The following PPP4R3C variants were observed in gnomAD, a reference collection of about 807,000 sequenced individuals.
PPP4R3C encodes protein PPP4R3C.
For synonymous variants in PPP4R3C, 150 were observed against 86.5 expected (o/e 1.73, Z -4.07); for missense variants, 372 against 237.3 (o/e 1.57, Z -3.73).
chrX:27,461,307 G>T lies in PPP4R3C; in HGVS notation c.1990C>A (p.Leu664Met). 1 of 514,842 alleles carries T rather than the reference G, an allele frequency of 1.9e-6. No homozygotes were observed. Among genetic ancestry groups the T allele is most frequent in the Non-Finnish European group, 3.5e-6 (1 of 286,900 alleles). 42.4% of individuals were successfully genotyped at this position (514,842 alleles called of 1,213,427 possible). ...SQIQKNLHSV[L>M]QNIVVFRGTI... ...CCTCTGAAAACTACTATATTTTGCA[G>T]TACAGAATGTAAATTCTTTTGTATT... Residue 664 changes from leucine (L) to methionine (M), a missense_variant, in exon 1 of 1, where the codon CTG becomes ATG. Leu to Met is a conservative substitution (Grantham distance 15, BLOSUM62 2). Transcript: ENST00000412172.
In PPP4R3C at chrX:27,462,885, G is replaced by C. The variant is rs760086882; in HGVS notation, c.412C>G (p.Leu138Val). 4.7e-4 allele frequency: 242 copies of C among 513,515 alleles called. No homozygotes were observed. Among genetic ancestry groups the C allele is most frequent in the Non-Finnish European group, 7.9e-4 (226 of 286,804 alleles). The allele number at this position is 513,515 out of a possible 1,213,427, so 42.3% of individuals were successfully genotyped here. A position where few individuals can be genotyped will look rare whatever the true frequency, so the allele number is the denominator to read the frequency against. ...TCAGCAATTTGATCAAGTGTATTGAGTTCACAGTCAGGCAGCACAACCATA... is the reference window on the plus strand; with the variant it reads ...TCAGCAATTTGATCAAGTGTATTGACTTCACAGTCAGGCAGCACAACCATA... ...SNMVVLPDCE[L>V]NTLDQIADIV... Residue 138 changes from leucine (L) to valine (V), a missense_variant, in exon 1 of 1, where the codon CTC (leucine) becomes GTC (valine). Coordinates refer to ENST00000412172, the MANE Select transcript of PPP4R3C (RefSeq NM_207319.4).
At position 27,462,314 on chromosome X, in the gene PPP4R3C, T is replaced by C. The variant is rs1451740460; in HGVS notation, c.983A>G (p.Asp328Gly). Residue 328 changes from aspartate to glycine, a missense_variant, in exon 1 of 1, where the codon GAT becomes GGT. By Grantham distance (94) the Asp-to-Gly change is moderately conservative. Transcript: ENST00000412172. The stretch of plus-strand genomic sequence containing the variant: ...AAAAAATAGCAATTCACACCGTCTA[T>C]CATCATGTGTAGTCTCATCCTTTAA... ...AQLKDETTHDDRRCELLFFFK... is the reference protein window; with the variant it reads ...AQLKDETTHDGRRCELLFFFK... The C allele has an allele frequency of 7.8e-6, 4 of 513,720 alleles. No individual in the cohort carries two copies. The African/African-American group carries it at 9.2e-5, about 12-fold the overall frequency. 42.3% of individuals were successfully genotyped at this position (513,720 alleles called of 1,213,427 possible). A position where few individuals can be genotyped will look rare whatever the true frequency, so the allele number is the denominator to read the frequency against.
In PPP4R3C at chrX:27,462,564, C is replaced by T. The variant is rs769142863; in HGVS notation, c.733G>A (p.Asp245Asn). The change falls in exon 1 of 1, where the codon GAT (aspartate) becomes AAT (asparagine). Residue 245 changes from aspartate (D) to asparagine (N), a missense_variant. Physicochemically the swap from Asp to Asn is conservative, Grantham distance 23 (BLOSUM62 1). Transcript: ENST00000412172. ...GGTATAACTTCCTTGAACTTCGCAT[C>T]GTTGGTCAAGAAGTCCCTATGCCTT... ...PKRHRDFLTN[D>N]AKFKEVIPIT... 4 of 556,601 alleles carry T rather than the reference C, an allele frequency of 7.2e-6. No individual in the cohort carries two copies. Among genetic ancestry groups the T allele is most frequent in the South Asian group, 2.3e-5 (1 of 44,031 alleles). 45.9% of individuals were successfully genotyped at this position (556,601 alleles called of 1,213,427 possible).
chrX:27,460,288 T>G lies in PPP4R3C; in HGVS notation c.*510A>C, dbSNP rs749794408. ...TTCCAATTACTTATAAGCTTAAATT[T>G]TGTTATATCTTTATAGAAATGTCTG... On this transcript the variant is annotated 3_prime_UTR_variant, in exon 1 of 1. Transcript: ENST00000412172. The G allele has an allele frequency of 1.8e-5, 2 of 112,756 alleles. No homozygotes were observed. Among genetic ancestry groups the G allele is most frequent in the East Asian group, 5.6e-4 (2 of 3,578 alleles). 9.3% of individuals were successfully genotyped at this position (112,756 alleles called of 1,213,427 possible).
In PPP4R3C at chrX:27,461,941, T is replaced by G. The variant is rs1922974304; in HGVS notation, c.1356A>C (p.Thr452=). The G allele has an allele frequency of 3.9e-6, 2 of 515,359 alleles. No individual in the cohort carries two copies. The highest frequency in any genetic ancestry group is 4.6e-5 in the African/African-American group (2 of 43,386). The allele number at this position is 515,359 out of a possible 1,213,427, so 42.5% of individuals were successfully genotyped here. A position where few individuals can be genotyped will look rare whatever the true frequency, so the allele number is the denominator to read the frequency against. Residue 452 remains threonine (T), a synonymous_variant, in exon 1 of 1, where the codon ACA becomes ACC. Transcript: ENST00000412172. ...HTLLDPRNML[T]TPEKSERSEF... ...CACTTCTTTCACTTTTCTCAGGTGT[T>G]GTCAGCATGTTGCGTGGATCAAGTA...
In PPP4R3C at chrX:27,460,619, GT is replaced by G; in HGVS notation, c.*178del. 1.9e-5 allele frequency: 6 copies of G among 310,311 alleles called. No individual in the cohort carries two copies. Among genetic ancestry groups the G allele is most frequent in the South Asian group, 2.5e-4 (2 of 8,103 alleles). The allele number at this position is 310,311 out of a possible 1,213,427, so 25.6% of individuals were successfully genotyped here. A position where few individuals can be genotyped will look rare whatever the true frequency, so the allele number is the denominator to read the frequency against. On this transcript the variant is annotated 3_prime_UTR_variant, in exon 1 of 1. Coordinates refer to ENST00000412172, the MANE Select transcript of PPP4R3C (RefSeq NM_207319.4). The stretch of plus-strand genomic sequence containing the variant: ...GTTTATCACCCAGGTTCTGGTTACT[GT>G]TTTTTTTTAAGATTATGAGAAATTT...
Position 27,462,551 on chromosome X carries a change from T to G in PPP4R3C, c.746A>C (p.Lys249Thr). 1.8e-6 allele frequency: 1 copy of G among 551,151 alleles called. No homozygotes were observed. Among genetic ancestry groups the G allele is most frequent in the African/African-American group, 2.2e-5 (1 of 45,257 alleles). 45.4% of individuals were successfully genotyped at this position (551,151 alleles called of 1,213,427 possible). A position where few individuals can be genotyped will look rare whatever the true frequency, so the allele number is the denominator to read the frequency against. Residue 249 changes from lysine (K) to threonine (T), a missense_variant, in exon 1 of 1, where the codon AAG becomes ACG. Physicochemically the swap from Lys to Thr is moderately conservative, Grantham distance 78. Coordinates refer to ENST00000412172, the MANE Select transcript of PPP4R3C (RefSeq NM_207319.4). ...RDFLTNDAKF[K>T]EVIPITNSEL... Reference sequence around the variant, plus strand: ...AGAGTTAGTTATTGGTATAACTTCCTTGAACTTCGCATCGTTGGTCAAGAA... The same window carrying G: ...AGAGTTAGTTATTGGTATAACTTCCGTGAACTTCGCATCGTTGGTCAAGAA...
chrX:27,461,513 C>T lies in PPP4R3C; in HGVS notation c.1784G>A (p.Arg595Gln), dbSNP rs1173327447. ...VVNALLDNGT[R>Q]YNMLNSAILE... is the part of the protein sequence containing the mutation. ...AATAGCTGAATTCAACATATTGTAC[C>T]GAGTTCCATTATCTAGAAGAGCATT... is the stretch of plus-strand genomic sequence containing the variant. Residue 595 changes from arginine (R) to glutamine (Q), a missense_variant, in exon 1 of 1, where the codon CGG (arginine) becomes CAG (glutamine). By Grantham distance (43) the Arg-to-Gln change is conservative (BLOSUM62 1). Transcript: ENST00000412172. 4 of 516,390 alleles carry T rather than the reference C, an allele frequency of 7.7e-6. No individual in the cohort carries two copies. The highest frequency in any genetic ancestry group is 5.0e-5 in the South Asian group (2 of 40,372). 42.6% of individuals were successfully genotyped at this position (516,390 alleles called of 1,213,427 possible). A position where few individuals can be genotyped will look rare whatever the true frequency, so the allele number is the denominator to read the frequency against.
Position 27,460,374 on chromosome X carries a change from A to G in PPP4R3C, c.*424T>C, listed in dbSNP as rs779144152. On this transcript the variant is annotated 3_prime_UTR_variant, in exon 1 of 1. Transcript: ENST00000412172. ...TCATATAAACATAAACTTTTGTGTT[A>G]AAAAGGTAACTGAAGGAAAGAATAC... 1 of 113,671 alleles carries G rather than the reference A, an allele frequency of 8.8e-6. No homozygotes were observed. The highest frequency in any genetic ancestry group is 3.7e-4 in the South Asian group (1 of 2,695). 9.4% of individuals were successfully genotyped at this position (113,671 alleles called of 1,213,427 possible). A position where few individuals can be genotyped will look rare whatever the true frequency, so the allele number is the denominator to read the frequency against.
rs188872892 is a variant in PPP4R3C at position 27,462,277 on chromosome X, T to G, written c.1020A>C (p.Leu340Phe). The change falls in exon 1 of 1, where the codon TTA becomes TTC. Residue 340 changes from leucine to phenylalanine, a missense_variant. Transcript: ENST00000412172. ...GCTGTAATGCCTGAGAAAATGAACA[T>G]AACTCCTTGAAAAAAAATAGCAATT... ...RCELLFFFKE[L>F]CSFSQALQPQ... 3.9e-6 allele frequency: 2 copies of G among 512,999 alleles called. No homozygotes were observed. Among genetic ancestry groups the G allele is most frequent in the African/African-American group, 2.3e-5 (1 of 43,285 alleles). 42.3% of individuals were successfully genotyped at this position (512,999 alleles called of 1,213,427 possible).
rs1209811288 is a variant in PPP4R3C at position 27,460,765 on chromosome X, T to G, written c.*33A>C. ...TTATGGACGTTTATAGAATTTTTGTTGAGCCACATTTTGAGGGTGCCCCAT... is the reference window on the plus strand; with the variant it reads ...TTATGGACGTTTATAGAATTTTTGTGGAGCCACATTTTGAGGGTGCCCCAT... On this transcript the variant is annotated 3_prime_UTR_variant, in exon 1 of 1. Coordinates refer to ENST00000412172, the MANE Select transcript of PPP4R3C (RefSeq NM_207319.4). 8.9e-6 allele frequency: 4 copies of G among 450,554 alleles called. No individual in the cohort carries two copies. The East Asian group carries it at 1.5e-4, about 17-fold the overall frequency. The allele number at this position is 450,554 out of a possible 1,213,427, so 37.1% of individuals were successfully genotyped here.
In PPP4R3C at chrX:27,461,225, T is replaced by C. The variant is rs1426749337; in HGVS notation, c.2072A>G (p.Glu691Gly). The C allele has an allele frequency of 1.9e-6, 1 of 513,207 alleles. No homozygotes were observed. The highest frequency in any genetic ancestry group is 3.6e-5 in the East Asian group (1 of 27,651). 42.3% of individuals were successfully genotyped at this position (513,207 alleles called of 1,213,427 possible). A position where few individuals can be genotyped will look rare whatever the true frequency, so the allele number is the denominator to read the frequency against. ...ATCTTCCAGTGGTGGCATAACTACTTCTCCTGCATCTTCCATAAAACATAT... is the reference window on the plus strand; with the variant it reads ...ATCTTCCAGTGGTGGCATAACTACTCCTCCTGCATCTTCCATAAAACATAT... ...EEICFMEDAG[E>G]VVMPPLEDDD... The change falls in exon 1 of 1, where the codon GAA (glutamate) becomes GGA (glycine). Residue 691 changes from glutamate to glycine, a missense_variant. By Grantham distance (98) the Glu-to-Gly change is moderately conservative. Transcript: ENST00000412172.
chrX:27,461,994 C>A lies in PPP4R3C; in HGVS notation c.1303G>T (p.Val435Phe). 2 of 530,142 alleles carry A rather than the reference C, an allele frequency of 3.8e-6. No homozygotes were observed. Among genetic ancestry groups the A allele is most frequent in the Non-Finnish European group, 6.8e-6 (2 of 294,025 alleles). The allele number at this position is 530,142 out of a possible 1,213,427, so 43.7% of individuals were successfully genotyped here. A position where few individuals can be genotyped will look rare whatever the true frequency, so the allele number is the denominator to read the frequency against. Reference sequence around the variant, plus strand: ...GTATGCAGAACTACCATCAAATGAACAGCACCTCCTAACTCAGGATCAGTA... The same window carrying A: ...GTATGCAGAACTACCATCAAATGAAAAGCACCTCCTAACTCAGGATCAGTA... ...CDTDPELGGA[V>F]HLMVVLHTLL... Residue 435 changes from valine to phenylalanine, a missense_variant, in exon 1 of 1, where the codon GTT becomes TTT. Val to Phe is a conservative substitution (Grantham distance 50). Coordinates refer to ENST00000412172, the MANE Select transcript of PPP4R3C (RefSeq NM_207319.4).
In PPP4R3C at chrX:27,461,012, T is replaced by A; in HGVS notation, c.2285A>T (p.Asp762Val). ...ACCAGAAGATGTTCTTTTGGGAGAG[T>A]CTACCTTGCCTTCATGTTCTTGGTT... ...KRNQEHEGKV[D>V]SPKRTSSGDF... is the part of the protein sequence containing the mutation. The change falls in exon 1 of 1, where the codon GAC becomes GTC. Residue 762 changes from aspartate to valine, a missense_variant. Physicochemically the swap from Asp to Val is radical, Grantham distance 152. Coordinates refer to ENST00000412172, the MANE Select transcript of PPP4R3C (RefSeq NM_207319.4). 1 of 514,224 alleles carries A rather than the reference T, an allele frequency of 1.9e-6. No individual in the cohort carries two copies. The highest frequency in any genetic ancestry group is 3.5e-6 in the Non-Finnish European group (1 of 286,829). 42.4% of individuals were successfully genotyped at this position (514,224 alleles called of 1,213,427 possible).
Position 27,461,814 on chromosome X carries a change from A to G in PPP4R3C, c.1483T>C (p.Tyr495His). ...HNCEEDDIAG[Y>H]DKSKNCPNDN... ...TTGGGGCAATTTTTGCTTTTGTCAT[A>G]TCCAGCTATATCATCCTCCTCACAG... The change falls in exon 1 of 1, where the codon TAT (tyrosine) becomes CAT (histidine). Residue 495 changes from tyrosine (Y) to histidine (H), a missense_variant. By Grantham distance (83) the Tyr-to-His change is moderately conservative. Transcript: ENST00000412172. The G allele has an allele frequency of 1.9e-6, 1 of 515,415 alleles. No homozygotes were observed. The highest frequency in any genetic ancestry group is 3.5e-6 in the Non-Finnish European group (1 of 287,080). The allele number at this position is 515,415 out of a possible 1,213,427, so 42.5% of individuals were successfully genotyped here.
In PPP4R3C at chrX:27,463,205, T is replaced by G; in HGVS notation, c.92A>C (p.Tyr31Ser). ...NLGTGQVSSTYDEQFQGMSLL... is the reference protein window; with the variant it reads ...NLGTGQVSSTSDEQFQGMSLL... The stretch of plus-strand genomic sequence containing the variant: ...CGACATGCCCTGGAACTGCTCGTCA[T>G]AGGTGGATGAGACCTGACCGGTGCC... The change falls in exon 1 of 1, where the codon TAT (tyrosine) becomes TCT (serine). Residue 31 changes from tyrosine to serine, a missense_variant. Transcript: ENST00000412172. 1.9e-6 allele frequency: 1 copy of G among 514,889 alleles called. No individual in the cohort carries two copies. The highest frequency in any genetic ancestry group is 3.5e-6 in the Non-Finnish European group (1 of 286,943). The allele number at this position is 514,889 out of a possible 1,213,427, so 42.4% of individuals were successfully genotyped here.
At position 27,461,233 on chromosome X, in the gene PPP4R3C, A is replaced by C. The variant is rs1461648364; in HGVS notation, c.2064T>G (p.Asp688Glu). ...GLEEEICFME[D>E]AGEVVMPPLE... is the part of the protein sequence containing the mutation. ...GTGGTGGCATAACTACTTCTCCTGC[A>C]TCTTCCATAAAACATATTTCTTCTT... The change falls in exon 1 of 1, where the codon GAT becomes GAG. Residue 688 changes from aspartate (D) to glutamate (E), a missense_variant. By Grantham distance (45) the Asp-to-Glu change is conservative. Transcript: ENST00000412172. The C allele has an allele frequency of 1.9e-6, 1 of 515,114 alleles. No individual in the cohort carries two copies. The highest frequency in any genetic ancestry group is 3.6e-5 in the East Asian group (1 of 27,733). The allele number at this position is 515,114 out of a possible 1,213,427, so 42.5% of individuals were successfully genotyped here. A position where few individuals can be genotyped will look rare whatever the true frequency, so the allele number is the denominator to read the frequency against.
chrX:27,462,871 A>T lies in PPP4R3C; in HGVS notation c.426T>A (p.Asp142Glu), dbSNP rs904386539. The change falls in exon 1 of 1, where the codon GAT becomes GAA. Residue 142 changes from aspartate to glutamate, a missense_variant. Asp to Glu is a conservative substitution (Grantham distance 45, BLOSUM62 2). Transcript: ENST00000412172. ...CTGAGGTAACTATGTCAGCAATTTGATCAAGTGTATTGAGTTCACAGTCAG... is the reference window on the plus strand; with the variant it reads ...CTGAGGTAACTATGTCAGCAATTTGTTCAAGTGTATTGAGTTCACAGTCAG... ...VLPDCELNTL[D>E]QIADIVTSVF... is the part of the protein sequence containing the mutation. 6 of 513,625 alleles carry T rather than the reference A, an allele frequency of 1.2e-5. No homozygotes were observed. The highest frequency in any genetic ancestry group is 1.0e-5 in the Non-Finnish European group (3 of 286,859). The allele number at this position is 513,625 out of a possible 1,213,427, so 42.3% of individuals were successfully genotyped here. A position where few individuals can be genotyped will look rare whatever the true frequency, so the allele number is the denominator to read the frequency against.
In PPP4R3C at chrX:27,462,978, T is replaced by C. The variant is rs58530379; in HGVS notation, c.319A>G (p.Ile107Val). ...ICQAQGKDPSIQTTVNISDEP... is the reference protein window; with the variant it reads ...ICQAQGKDPSVQTTVNISDEP... ...TCTGAAATGTTCACTGTGGTTTGGATAGACGGATCCTTACCTTGAGCTTGG... is the reference window on the plus strand; with the variant it reads ...TCTGAAATGTTCACTGTGGTTTGGACAGACGGATCCTTACCTTGAGCTTGG... The change falls in exon 1 of 1, where the codon ATC (isoleucine) becomes GTC (valine). Residue 107 changes from isoleucine to valine, a missense_variant. Physicochemically the swap from Ile to Val is conservative, Grantham distance 29. Coordinates refer to ENST00000412172, the MANE Select transcript of PPP4R3C (RefSeq NM_207319.4). 1.3e-3 allele frequency: 655 copies of C among 513,497 alleles called. 3 individuals are homozygous for C. The African/African-American group carries it at 0.013, about 10-fold the overall frequency. The allele number at this position is 513,497 out of a possible 1,213,427, so 42.3% of individuals were successfully genotyped here.
Sources: allele counts gnomAD v4.1 joint callset, GRCh38; gene constraint gnomAD v4.1.1; transcripts MANE v1.5; gene names NCBI Gene and HGNC (gene_info 2026-07-23, HGNC 2026-07-21).